Variants in PPP1R9A observed in about 807,000 individuals in gnomAD.
PPP1R9A encodes protein phosphatase 1 regulatory subunit 9A.
PPP1R9A carries 59 observed loss-of-function variants against 141.9 expected under a neutral mutation model. The ratio of observed to expected loss-of-function variants is 0.42; its 90% confidence interval spans 0.34 to 0.52. The LOEUF is 0.52. Ranked by LOEUF, PPP1R9A falls within the 20% of genes least tolerant of loss-of-function variation. The pLI, the probability that PPP1R9A is intolerant of heterozygous loss-of-function variation, is 0.10. For missense variants in PPP1R9A, 1,444 were observed against 1,611.9 expected (o/e 0.90, Z 1.78); for synonymous variants, 500 against 569.7 (o/e 0.88, Z 1.74).
chr7:95,059,231 A>G (rs1211465188), intron 2 of PPP1R9A, among the ~76,000 whole-genome samples: 3 of 152,218 alleles, frequency 2.0e-5, no homozygotes, highest in Non-Finnish European at 4.4e-5. Flanking sequence ...TAAAAAATAC[A>G]AATTTTATTA....
At chr7:95,126,512 A>G (rs1335252693) in intron 4 of PPP1R9A, among the ~76,000 whole-genome samples, 1 of 152,172 alleles carries the variant, frequency 6.6e-6, no homozygotes, top group East Asian at 1.9e-4. Flanking sequence ...AGTTTTTACA[A>G]ACTAGCCAGG....
intron 12 of PPP1R9A, among the ~76,000 whole-genome samples, chr7:95,265,906 T>C (rs571722848): frequency 6.6e-6 from 1 of 152,252 alleles, no homozygotes; most frequent in South Asian, 2.1e-4. Flanking sequence ...GATATAATTT[T>C]ATGTGTGTGC....
At chr7:95,260,924 C>A (rs1800335361) in intron 12 of PPP1R9A, among the ~76,000 whole-genome samples, 1 of 152,052 alleles carries the variant, frequency 6.6e-6, no homozygotes. Context: ...CAAATTATTT[C>A]TTATATTGAT....
At chr7:95,289,245 C>G (rs1450081017) in intron 19 of PPP1R9A, among the ~76,000 whole-genome samples, 1 of 152,170 alleles carries the variant, frequency 6.6e-6, no homozygotes, top group Non-Finnish European at 1.5e-5. Context: ...CTCTTAGAGA[C>G]CAAGGTGGCA....
intron 16 of PPP1R9A, among the ~76,000 whole-genome samples, chr7:95,283,237 G>A (rs919361024): frequency 1.3e-5 from 2 of 152,128 alleles, no homozygotes; most frequent in Non-Finnish European, 2.9e-5. Flanking sequence ...TTCAAACTGC[G>A]TTCTTCAAAT....
At chr7:95,085,957 T>G (rs1816568830) in intron 2 of PPP1R9A, among the ~76,000 whole-genome samples, 1 of 152,004 alleles carries the variant, frequency 6.6e-6, no homozygotes. Context: ...CTAATCCACT[T>G]GGAATTTATT....
intron 2 of PPP1R9A, among the ~76,000 whole-genome samples, chr7:95,045,945 A>G (rs1270812432): frequency 1.3e-5 from 2 of 152,262 alleles, no homozygotes; most frequent in East Asian, 1.9e-4. Context: ...TTAACGGGTT[A>G]TTAAACACAT....
At chr7:95,216,948 A>T (rs1793540478) in intron 7 of PPP1R9A, among the ~76,000 whole-genome samples, 1 of 152,136 alleles carries the variant, frequency 6.6e-6, no homozygotes, top group Admixed American at 6.6e-5. Flanking sequence ...TCCTCATTGA[A>T]TACCCTTTAT....
At chr7:94,942,803 CAATAAATAAATAAATAAATAAATAAATA>C (rs142643808) in intron 2 of PPP1R9A, among the ~76,000 whole-genome samples, 7 of 137,334 alleles carry the variant, frequency 5.1e-5, no homozygotes, top group African/African-American at 1.9e-4. Flanking sequence ...GACTGTCTCT[CAATAAATAAATAAATAAATAAATAAATA>C]AATAAATAAA....
intron 9 of PPP1R9A, 52 bp downstream of exon 9, chr7:95,247,578 A>G (rs1211894846): frequency 1.4e-6 from 2 of 1,412,766 alleles, no homozygotes; most frequent in African/African-American, 1.4e-5. Flanking sequence ...TTCAGATACT[A>G]TGAATAAATC....
At chr7:95,001,787 C>T in intron 2 of PPP1R9A, among the ~76,000 whole-genome samples, 1 of 152,100 alleles carries the variant, frequency 6.6e-6, no homozygotes, top group Non-Finnish European at 1.5e-5. Flanking sequence ...GAAGACAAAG[C>T]CATTTATTAA....
chr7:94,929,425 A>G (rs989443438), intron 2 of PPP1R9A, among the ~76,000 whole-genome samples: 1 of 152,178 alleles, frequency 6.6e-6, no homozygotes, highest in African/African-American at 2.4e-5. Flanking sequence ...CGAAGGTTTA[A>G]TAAGTGTTGG....
intron 2 of PPP1R9A, among the ~76,000 whole-genome samples, chr7:94,938,783 A>G (rs528083477): frequency 7.9e-5 from 12 of 152,332 alleles, no homozygotes; most frequent in Non-Finnish European, 1.8e-4. Flanking sequence ...TATCAGAGAT[A>G]GAATCAGTTG....
At chr7:95,043,308 G>C (rs548985684) in intron 2 of PPP1R9A, among the ~76,000 whole-genome samples, 27 of 152,238 alleles carry the variant, frequency 1.8e-4, no homozygotes, top group Middle Eastern at 6.8e-3. Context: ...AACTGTGTGA[G>C]AAAAAACAGG....
chr7:95,243,916 T>G (rs1287325861), intron 8 of PPP1R9A, among the ~76,000 whole-genome samples: 1 of 152,134 alleles, frequency 6.6e-6, no homozygotes, highest in African/African-American at 2.4e-5. Flanking sequence ...TGGCACCTAA[T>G]AGCCTTCCAA....
chr7:95,087,911 G>GAGA (rs1816845057), intron 2 of PPP1R9A, among the ~76,000 whole-genome samples: 1 of 116,570 alleles, frequency 8.6e-6, no homozygotes, highest in African/African-American at 3.2e-5. Context: ...AAGAGAGAGA[G>GAGA]AAAAAAAAAA....
intron 5 of PPP1R9A, among the ~76,000 whole-genome samples, chr7:95,188,548 GT>G (rs1834980617): frequency 8.7e-6 from 1 of 114,758 alleles, no homozygotes; most frequent in Admixed American, 9.4e-5. Flanking sequence ...TGAATACTTT[GT>G]TTGTTTGTTT....
chr7:95,263,865 A>G (rs1585529534), intron 12 of PPP1R9A, among the ~76,000 whole-genome samples: 1 of 152,230 alleles, frequency 6.6e-6, no homozygotes, highest in African/African-American at 2.4e-5. Context: ...CTTTATAAAG[A>G]TATTTATTGA....
At chr7:95,069,199 C>G (rs1190767186) in intron 2 of PPP1R9A, among the ~76,000 whole-genome samples, 1 of 152,122 alleles carries the variant, frequency 6.6e-6, no homozygotes, top group Non-Finnish European at 1.5e-5. Context: ...TAATGATTTT[C>G]CCAACATGTG....
Sources: gnomAD v4.1 joint callset for allele counts (sites outside exome capture counted in the v4.1 genomes callset) on GRCh38, gnomAD v4.1.1 for gene constraint, MANE v1.5 for transcripts, NCBI Gene and HGNC (gene_info 2026-07-23, HGNC 2026-07-21) for gene names.